Variants in HDAC9 observed in about 807,000 individuals in gnomAD.
The protein encoded by HDAC9 is histone deacetylase 9.
In HDAC9, 41 loss-of-function variants were observed where a neutral mutation model predicts 139.4. The ratio of observed to expected loss-of-function variants is 0.29; its 90% CI spans 0.23 to 0.38. The LOEUF is 0.38. HDAC9 is among the 10% of genes least tolerant of loss of function. The pLI, the probability that HDAC9 is intolerant of heterozygous loss-of-function variation, is 1.00. For missense variants in HDAC9, 1,147 were observed against 1,297.0 expected (o/e 0.88, Z 1.78); for synonymous variants, 517 against 476.2 (o/e 1.09, Z -1.12).
At chr7:18,539,559 C>A (rs1812041924) in intron 2 of HDAC9, among the ~76,000 whole-genome samples, 1 of 152,164 alleles carries the variant, frequency 6.6e-6, no homozygotes, top group Admixed American at 6.5e-5. Context: ...TAACAAATGT[C>A]TTATGGTTAT....
intron 1 of HDAC9, among the ~76,000 whole-genome samples, chr7:18,436,959 G>C (rs965810039): frequency 6.6e-6 from 1 of 152,150 alleles, no homozygotes; most frequent in East Asian, 1.9e-4. Context: ...TTCTCTTTAG[G>C]ATGAAGGTCA....
At chr7:18,356,397 A>T (rs1427969991) in intron 1 of HDAC9, among the ~76,000 whole-genome samples, 2 of 137,614 alleles carry the variant, frequency 1.5e-5, no homozygotes, top group African/African-American at 5.4e-5. Flanking sequence ...AAGACAACAA[A>T]CTTGTAACTC....
rs553505244 is a variant in HDAC9 at position 18,461,128 on chromosome 7, A to G, written c.-41-35134A>G. On this transcript the variant is annotated intron_variant, in intron 1 of 3. Coordinates refer to the HDAC9 transcript ENST00000413509. ...TATGTGTACGTGTGCATGCGTATAC[A>G]TACATACACACATATATTTCTCTCA... Among the ~76,000 whole-genome samples the G allele has an allele frequency of 2.1e-3, 322 of 152,332 alleles. 1 individual carries two copies. Among genetic ancestry groups the G allele is most frequent in the Non-Finnish European group, 3.7e-3 (253 of 68,028 alleles).
chr7:18,677,210 A>T (rs1388740051), intron 12 of HDAC9, among the ~76,000 whole-genome samples: 1 of 151,904 alleles, frequency 6.6e-6, no homozygotes, highest in African/African-American at 2.4e-5. Context: ...ATTTTTCTAG[A>T]AGTTCATTTA....
intron 1 of HDAC9, among the ~76,000 whole-genome samples, chr7:18,103,774 A>G (rs1783007400): frequency 6.6e-6 from 1 of 152,224 alleles, no homozygotes; most frequent in South Asian, 2.1e-4. Context: ...TCTGGTCACA[A>G]AAATATCACC....
intron 1 of HDAC9, among the ~76,000 whole-genome samples, chr7:18,116,908 A>G (rs561608167): frequency 6.6e-5 from 10 of 152,352 alleles, no homozygotes; most frequent in African/African-American, 1.9e-4. Context: ...TTCTCACCAC[A>G]TGGAACCACT....
chr7:18,965,153 A>C (rs1390533356), intron 24 of HDAC9, among the ~76,000 whole-genome samples: 1 of 152,198 alleles, frequency 6.6e-6, no homozygotes, highest in Non-Finnish European at 1.5e-5. Flanking sequence ...CATTTCATCT[A>C]TTACCCCTTA....
At chr7:18,666,962 C>T (rs1259773541) in intron 12 of HDAC9, 2 of 988,154 alleles carry the variant, frequency 2.0e-6, no homozygotes, top group Admixed American at 6.0e-5. Context: ...ATGTATCATA[C>T]TATAGTCTTG....
chr7:18,940,135 A>G (rs1451885380), intron 23 of HDAC9, among the ~76,000 whole-genome samples: 1 of 152,218 alleles, frequency 6.6e-6, no homozygotes, highest in Non-Finnish European at 1.5e-5. Context: ...CAAAGTAATT[A>G]TAAAATCAGC....
At chr7:18,517,086 A>G (rs1244792584) in intron 2 of HDAC9, among the ~76,000 whole-genome samples, 1 of 152,202 alleles carries the variant, frequency 6.6e-6, no homozygotes, top group Non-Finnish European at 1.5e-5. Flanking sequence ...ATAAATATGA[A>G]TATTTAGTCC....
At chr7:18,261,803 A>G (rs1053894565) in intron 2 of HDAC9, among the ~76,000 whole-genome samples, 1 of 152,232 alleles carries the variant, frequency 6.6e-6, no homozygotes, top group African/African-American at 2.4e-5. Context: ...TGTTGCAGAA[A>G]TAAATGGGCA....
intron 14 of HDAC9, among the ~76,000 whole-genome samples, chr7:18,761,284 C>T (rs1022943019): frequency 7.2e-5 from 11 of 152,166 alleles, no homozygotes; most frequent in African/African-American, 2.4e-4. Context: ...AACAGTTTTG[C>T]CTGTGTTGAA....
At chr7:18,720,901 G>A (rs944228726) in intron 12 of HDAC9, among the ~76,000 whole-genome samples, 3 of 152,000 alleles carry the variant, frequency 2.0e-5, no homozygotes, top group Non-Finnish European at 2.9e-5. Flanking sequence ...GGCTGGTCTT[G>A]AACTCCTGGG....
chr7:18,331,827 G>A (rs586502), intron 1 of HDAC9, among the ~76,000 whole-genome samples: 150,430 of 151,644 alleles, frequency 0.99, 74,623 homozygotes, highest in East Asian at 1. Context: ...TCTGGCACTT[G>A]GTAGATCCTC....
At chr7:18,682,996 A>C in intron 12 of HDAC9, among the ~76,000 whole-genome samples, 1 of 151,964 alleles carries the variant, frequency 6.6e-6, no homozygotes, top group African/African-American at 2.4e-5. Flanking sequence ...CAACAAAAAA[A>C]ATTTAAAGAC....
intron 21 of HDAC9, among the ~76,000 whole-genome samples, chr7:18,860,503 T>C (rs1041503926): frequency 3.9e-5 from 6 of 152,220 alleles, no homozygotes; most frequent in African/African-American, 1.4e-4. Flanking sequence ...TGTTATTCTT[T>C]AAATATACTT....
chr7:18,943,647 T>G (rs1254144050), intron 23 of HDAC9, among the ~76,000 whole-genome samples: 1 of 152,096 alleles, frequency 6.6e-6, no homozygotes, highest in Non-Finnish European at 1.5e-5. Flanking sequence ...TGGACAAAAC[T>G]CAGTTAATAG....
intron 17 of HDAC9, among the ~76,000 whole-genome samples, chr7:18,825,300 G>T (rs923524354): frequency 6.6e-6 from 1 of 152,142 alleles, no homozygotes; most frequent in African/African-American, 2.4e-5. Flanking sequence ...AGTAATTTCA[G>T]TATTTAAAAA....
intron 1 of HDAC9, among the ~76,000 whole-genome samples, chr7:18,422,744 G>GCACACA (rs1233787931): frequency 3.6e-3 from 95 of 26,330 alleles, no homozygotes; most frequent in South Asian, 8.4e-3. Context: ...ACACACACGC[G>GCACACA]CACACACACA....
Sources: allele counts gnomAD v4.1 joint callset (sites outside exome capture counted in the v4.1 genomes callset), GRCh38; gene constraint gnomAD v4.1.1; transcripts MANE v1.5; gene names NCBI Gene and HGNC (gene_info 2026-07-23, HGNC 2026-07-21).